PPARD: variants seen among roughly 807,000 people sequenced by gnomAD.
PPARD encodes the protein peroxisome proliferator activated receptor delta.
A neutral mutation model predicts 39.5 loss-of-function variants in PPARD; 6 were observed. That is an observed-to-expected ratio of 0.15 (90% CI 0.08 to 0.30). The LOEUF is 0.30. PPARD is among the 10% of genes least tolerant of loss of function. The probability of loss-of-function intolerance (pLI) is 1.00; values close to 1 mark genes in which losing one functional copy is unlikely to be tolerated. For synonymous variants in PPARD, 210 were observed against 231.3 expected, an observed-to-expected ratio of 0.91 and a Z score of 0.83; for missense variants, 397 against 596.8, an observed-to-expected ratio of 0.67 and a Z score of 3.49.
rs1313191792 is a variant in PPARD, at chr6:35,427,492, C to G, written c.*1413C>G. On this transcript the variant is annotated 3_prime_UTR_variant, in exon 8 of 8. Coordinates refer to ENST00000360694, the MANE Select transcript of PPARD (RefSeq NM_006238.5). ...TTGTCCCAATAGCTCTACTGCCCTC[C>G]CCTTCCCCTTTACTCAGCCCAGCTG... 3 of 152,744 alleles carry G rather than the reference C, an allele frequency of 2.0e-5. No individual in the cohort carries two copies. Among genetic ancestry groups the G allele is most frequent in the African/African-American group, 7.2e-5 (3 of 41,466 alleles). 9.5% of individuals were successfully genotyped at this position (152,744 alleles called of 1,614,324 possible). A position where few individuals can be genotyped will look rare whatever the true frequency, so the allele number is the denominator to read the frequency against.
chr6:35,354,076 C>T (rs999648893), intron 2 of PPARD, among the ~76,000 whole-genome samples: 2 of 151,656 alleles, frequency 1.3e-5, no homozygotes, highest in African/African-American at 4.8e-5. Context: ...ACTAAAAATA[C>T]AAAAAATTAG....
rs574874558 is a variant in PPARD, at chr6:35,401,123, G to T, written c.-101-9864G>T. ...CAGAGCAGGAACAGGCCTTGGAGAT[G>T]ATCTAATTCTGACATTTTACTCAGT... On this transcript the variant is annotated intron_variant, in intron 2 of 7. Transcript: ENST00000360694. This position sits in a 1 kb window ranked among gnomAD's most constrained non-coding sequence, Gnocchi z 4.1. 1.2e-4 allele frequency among the ~76,000 whole-genome samples: 18 copies of T among 152,174 alleles called. No individual in the cohort carries two copies. Among genetic ancestry groups the T allele is most frequent in the Non-Finnish European group, 2.6e-4 (18 of 68,022 alleles).
intron 2 of PPARD, among the ~76,000 whole-genome samples, chr6:35,385,040 C>CG (rs1763523841): frequency 1.4e-5 from 2 of 145,702 alleles, no homozygotes; most frequent in African/African-American, 2.7e-5. Flanking sequence ...CCCGGCCAGC[C>CG]GCCCCGTCCG....
At chr6:35,391,499 C>A (rs1341609373) in intron 2 of PPARD, among the ~76,000 whole-genome samples, 1 of 152,212 alleles carries the variant, frequency 6.6e-6, no homozygotes, top group Non-Finnish European at 1.5e-5. Flanking sequence ...CACAGTGGTG[C>A]CAGTTGGCCC....
chr6:35,372,209 G>T (rs990819351), intron 2 of PPARD, among the ~76,000 whole-genome samples: 1 of 152,100 alleles, frequency 6.6e-6, no homozygotes, highest in African/African-American at 2.4e-5. Context: ...ACGGAGTCTC[G>T]CTCTGTTGCC....
intron 3 of PPARD, among the ~76,000 whole-genome samples, chr6:35,415,668 G>A (rs1055018844): frequency 6.6e-6 from 1 of 152,072 alleles, no homozygotes; most frequent in African/African-American, 2.4e-5. Flanking sequence ...GTAGGTATGC[G>A]TAGTAGTGAG....
At chr6:35,405,756 C>T (rs1369483820) in intron 2 of PPARD, among the ~76,000 whole-genome samples, 6 of 150,930 alleles carry the variant, frequency 4.0e-5, no homozygotes, top group Non-Finnish European at 3.0e-5. Flanking sequence ...CAGCCACCCA[C>T]GTAGCTGGGA....
chr6:35,416,410 A>T (rs199680392), intron 3 of PPARD, among the ~76,000 whole-genome samples: 1 of 108,136 alleles, frequency 9.2e-6, no homozygotes, highest in African/African-American at 3.5e-5. Context: ...AAAAAAAAAA[A>T]CACCTTCTTA....
At chr6:35,384,978 C>T (rs1325596660) in intron 2 of PPARD, among the ~76,000 whole-genome samples, 1 of 137,372 alleles carries the variant, frequency 7.3e-6, no homozygotes, top group African/African-American at 3.1e-5. Flanking sequence ...GTCAGCCCCC[C>T]GCCGGGCCAG....
At chr6:35,396,668 A>C (rs1487222269) in intron 2 of PPARD, among the ~76,000 whole-genome samples, 1 of 151,972 alleles carries the variant, frequency 6.6e-6, no homozygotes, top group South Asian at 2.1e-4. Context: ...GTCTTTACTA[A>C]AAATACAAAA....
chr6:35,414,501 C>T (rs539784367), intron 3 of PPARD, among the ~76,000 whole-genome samples: 8 of 152,060 alleles, frequency 5.3e-5, no homozygotes, highest in Middle Eastern at 3.4e-3. Flanking sequence ...AGAGCCTGAT[C>T]ATGTGTCCAG....
intron 2 of PPARD, among the ~76,000 whole-genome samples, chr6:35,361,277 T>C (rs1290335499): frequency 6.6e-6 from 1 of 152,140 alleles, no homozygotes; most frequent in Non-Finnish European, 1.5e-5. Flanking sequence ...TGAATGATGA[T>C]TGTTTCATTA....
rs1766646226 is a variant in PPARD at position 35,427,332 on chromosome 6, C to T, written c.*1253C>T. ...CAGGTGAGAACCCAGAGAGAGGGGC[C>T]TGCAGGTGAGCAGGCAGGGCTGGGC... is the stretch of plus-strand genomic sequence containing the variant. On this transcript the variant is annotated 3_prime_UTR_variant, in exon 8 of 8. Coordinates refer to ENST00000360694, the MANE Select transcript of PPARD (RefSeq NM_006238.5). The T allele has an allele frequency of 6.5e-6, 1 of 153,730 alleles. No homozygotes were observed. The highest frequency in any genetic ancestry group is 2.4e-5 in the African/African-American group (1 of 41,508). The allele number at this position is 153,730 out of a possible 1,614,324, so 9.5% of individuals were successfully genotyped here. A position where few individuals can be genotyped will look rare whatever the true frequency, so the allele number is the denominator to read the frequency against.
intron 2 of PPARD, among the ~76,000 whole-genome samples, chr6:35,365,130 C>CCTTTTTTTTTTTTTTTT (rs1281072287): frequency 8.3e-6 from 1 of 121,088 alleles, no homozygotes; most frequent in African/African-American, 3.4e-5. Context: ...CTTCCTTATT[C>CCTTTTTTTTTTTTTTTT]TTTTTTTTTT....
intron 2 of PPARD, among the ~76,000 whole-genome samples, chr6:35,404,782 T>C (rs1764923375): frequency 6.6e-6 from 1 of 152,138 alleles, no homozygotes; most frequent in Non-Finnish European, 1.5e-5. Flanking sequence ...CTCTGGGCCA[T>C]TTGGGTTAAG....
At position 35,380,487 on chromosome 6, in the gene PPARD, T is replaced by G. The variant is rs1324208521; in HGVS notation, c.-101-30500T>G. On this transcript the variant is annotated intron_variant, in intron 2 of 7. Coordinates refer to ENST00000360694, the MANE Select transcript of PPARD (RefSeq NM_006238.5). Reference sequence around the variant, plus strand: ...TTTTTTTTTTGTTTGTTTTTTTTTTTTTTTTTTTTTTTTTTTTTTGAGACA... The same window carrying G: ...TTTTTTTTTTGTTTGTTTTTTTTTTGTTTTTTTTTTTTTTTTTTTGAGACA... Among the ~76,000 whole-genome samples the G allele has an allele frequency of 1.9e-3, 245 of 127,580 alleles. 2 individuals are homozygous for G. Among genetic ancestry groups the G allele is most frequent in the Middle Eastern group, 7.5e-3 (2 of 266 alleles). The allele number at this position is 127,580 out of a possible 152,430, so 83.7% of individuals were successfully genotyped here.
At chr6:35,408,510 C>T (rs6911817) in intron 2 of PPARD, among the ~76,000 whole-genome samples, 13,442 of 152,222 alleles carry the variant, frequency 0.088, 1,558 homozygotes, top group African/African-American at 0.27. Context: ...TCAAGTTTAA[C>T]ACCCAGGGGC....
intron 3 of PPARD, among the ~76,000 whole-genome samples, chr6:35,417,610 C>T (rs531460774): frequency 1.8e-3 from 280 of 152,026 alleles, no homozygotes; most frequent in African/African-American, 5.8e-3. Flanking sequence ...CTGCAGCCTC[C>T]GCCCCCCTGC....
At position 35,420,215 on chromosome 6, in the gene PPARD, G is replaced by T. The variant is rs140820080; in HGVS notation, c.219G>T (p.Glu73Asp). 2.8e-5 allele frequency: 45 copies of T among 1,610,938 alleles called. No homozygotes were observed. The highest frequency in any genetic ancestry group is 3.6e-5 in the Non-Finnish European group (42 of 1,178,418). ...CCTCATGCGGCAGCCTCAACATGGAGTGCCGGGTGTGCGGGGACAAGGCAT... is the reference window on the plus strand; with the variant it reads ...CCTCATGCGGCAGCCTCAACATGGATTGCCGGGTGTGCGGGGACAAGGCAT... ...DGASCGSLNM[E>D]CRVCGDKASG... Residue 73 changes from glutamate (E) to aspartate (D), a missense_variant, in exon 4 of 8, where the codon GAG becomes GAT. Transcript: ENST00000360694.
Sources: gnomAD v4.1 joint callset for allele counts (sites outside exome capture counted in the v4.1 genomes callset) on GRCh38, gnomAD v4.1.1 for gene constraint, Gnocchi (gnomAD v3.1) non-coding constraint, MANE v1.5 for transcripts, NCBI Gene and HGNC (gene_info 2026-07-23, HGNC 2026-07-21) for gene names.